Variants in GRK4 observed in about 807,000 individuals in gnomAD.
GRK4 encodes G protein-coupled receptor kinase 2-like.
In GRK4, 73 loss-of-function variants were observed where a neutral mutation model predicts 77.9. That is an observed-to-expected ratio of 0.94 (90% CI 0.78 to 1.14). GRK4 has a LOEUF of 1.14. Ranked by LOEUF, GRK4 falls within the 50% of genes most tolerant of loss-of-function variation. The pLI is 0.00. For missense variants in GRK4, 729 were observed against 700.2 expected, an observed-to-expected ratio of 1.04 and a Z score of -0.46; for synonymous variants, 257 against 254.4, an observed-to-expected ratio of 1.01 and a Z score of -0.10.
chr4:2,983,907 G>T (rs954490078), intron 1 of GRK4, among the ~76,000 whole-genome samples: 3 of 152,122 alleles, frequency 2.0e-5, no homozygotes, highest in African/African-American at 7.2e-5. Context: ...GAGAGAGAGA[G>T]GGGGAGAGAG....
chr4:3,024,453 C>T (rs554031650), intron 10 of GRK4, among the ~76,000 whole-genome samples: 5 of 152,208 alleles, frequency 3.3e-5, no homozygotes, highest in Admixed American at 6.5e-5. Flanking sequence ...TTAGTTGTTA[C>T]GGTGCAATTA....
At position 3,025,174 on chromosome 4, in the gene GRK4, G is replaced by A. The variant is rs987888384; in HGVS notation, c.970+2723G>A. ...TAGTCCCAGCTACTTGAGGGGCTGAGGCAGAAGAATCGCTTGAACCTGGGA... is the reference window on the plus strand; with the variant it reads ...TAGTCCCAGCTACTTGAGGGGCTGAAGCAGAAGAATCGCTTGAACCTGGGA... On this transcript the variant is annotated intron_variant, in intron 10 of 15. Coordinates refer to ENST00000398052, the MANE Select transcript of GRK4 (RefSeq NM_182982.3). Among the ~76,000 whole-genome samples, 4 of 150,766 alleles carry A rather than the reference G, an allele frequency of 2.7e-5. No homozygotes were observed. In the East Asian group the frequency reaches 6.0e-4, roughly 23 times the overall value.
At chr4:2,976,766 A>C (rs1353119739) in intron 1 of GRK4, among the ~76,000 whole-genome samples, 1 of 151,800 alleles carries the variant, frequency 6.6e-6, no homozygotes, top group African/African-American at 2.4e-5. Flanking sequence ...CAGCCTCCCA[A>C]GTAGCTGGGA....
chr4:3,009,816 G>C (rs1732382379), intron 7 of GRK4, 105 bp downstream of exon 7: 1 of 686,752 alleles, frequency 1.5e-6, no homozygotes, highest in African/African-American at 1.8e-5. Flanking sequence ...GTACACTGTT[G>C]CCTTAGTGGG....
chr4:2,987,085 G>A (rs1057235013), intron 2 of GRK4: 26 of 512,596 alleles, frequency 5.1e-5, no homozygotes, highest in African/African-American at 4.3e-4. Context: ...AAAAAGAAAC[G>A]CCACACCCAT....
intron 11 of GRK4, among the ~76,000 whole-genome samples, chr4:3,028,350 T>C (rs1738197609): frequency 6.6e-6 from 1 of 152,228 alleles, no homozygotes; most frequent in African/African-American, 2.4e-5. Context: ...CACCCCACTC[T>C]GGTTATTCCA....
rs73792122 is a variant in GRK4 at position 3,021,802 on chromosome 4, G to C, written c.933-612G>C. Among the ~76,000 whole-genome samples the C allele has an allele frequency of 8.5e-3, 1,296 of 152,272 alleles. 17 individuals carry two copies. The highest frequency in any genetic ancestry group is 0.03 in the African/African-American group (1,249 of 41,542). ...GTGTTTGGTTTCAGTCTCAAGATGA[G>C]CTGGATTTTCTCATGTGAGCTTTGG... On this transcript the variant is annotated intron_variant, in intron 9 of 15. Coordinates refer to ENST00000398052, the MANE Select transcript of GRK4 (RefSeq NM_182982.3).
intron 2 of GRK4, chr4:2,987,057 C>T: frequency 2.1e-6 from 1 of 486,588 alleles, no homozygotes; most frequent in Non-Finnish European, 4.0e-6. Flanking sequence ...GTCAATTTGA[C>T]AGCATTTTCA....
At chr4:3,016,333 A>G (rs1321255085) in intron 8 of GRK4, among the ~76,000 whole-genome samples, 1 of 151,538 alleles carries the variant, frequency 6.6e-6, no homozygotes, top group African/African-American at 2.4e-5. Flanking sequence ...CCTGGCCAAC[A>G]TGGTGAAACC....
intron 5 of GRK4, among the ~76,000 whole-genome samples, chr4:3,005,454 G>T (rs1226197524): frequency 1.3e-5 from 2 of 151,934 alleles, no homozygotes; most frequent in Non-Finnish European, 2.9e-5. Context: ...AGTGCAGTCC[G>T]AGCATAGTGG....
chr4:2,967,074 A>T (rs774505281), intron 1 of GRK4, among the ~76,000 whole-genome samples: 6 of 152,072 alleles, frequency 3.9e-5, no homozygotes, highest in African/African-American at 7.2e-5. Flanking sequence ...CTAGAGAGAC[A>T]CCCCTCACTC....
At chr4:2,964,767 A>G (rs1385077366) in intron 1 of GRK4, among the ~76,000 whole-genome samples, 1 of 152,196 alleles carries the variant, frequency 6.6e-6, no homozygotes, top group Non-Finnish European at 1.5e-5. Flanking sequence ...ACTCCAAGAA[A>G]AGAAAAAGCC....
intron 12 of GRK4, among the ~76,000 whole-genome samples, chr4:3,034,694 T>G (rs1740098224): frequency 6.6e-6 from 1 of 152,186 alleles, no homozygotes; most frequent in South Asian, 2.1e-4. Flanking sequence ...ACCAAAATAT[T>G]AAGAAGATAT....
chr4:3,009,620 C>A, intron 6 of GRK4, 28 bp from the exon 7 acceptor site: 1 of 1,571,626 alleles, frequency 6.4e-7, no homozygotes, highest in Non-Finnish European at 8.8e-7. Context: ...CAATGTGAGA[C>A]CTGAAACTTG....
intron 4 of GRK4, among the ~76,000 whole-genome samples, chr4:2,993,897 A>G (rs1223209249): frequency 6.6e-6 from 1 of 152,254 alleles, no homozygotes; most frequent in Non-Finnish European, 1.5e-5. Context: ...TAGTGTGGTG[A>G]GAATGAGTTC....
chr4:3,038,249 C>T, intron 14 of GRK4, 127 bp from the exon 15 acceptor site: 7 of 1,193,168 alleles, frequency 5.9e-6, no homozygotes, highest in South Asian at 1.5e-5. Flanking sequence ...AAAAGGGGCC[C>T]CACAGTGGGT....
rs191234961 is a variant in GRK4, at chr4:2,982,100, G to A, written c.53-2413G>A. On this transcript the variant is annotated intron_variant, in intron 1 of 15. Coordinates refer to ENST00000398052, the MANE Select transcript of GRK4 (RefSeq NM_182982.3). ...ACTTCTGAGCCTGCAGGGGCAGGGG[G>A]GCTTCCTGGGCTCCTGAGAGCACAG... Among the ~76,000 whole-genome samples the A allele has an allele frequency of 1.4e-3, 212 of 152,378 alleles. 3 individuals carry two copies. Among genetic ancestry groups the A allele is most frequent in the Non-Finnish European group, 3.8e-4 (26 of 68,040 alleles).
chr4:2,970,629 A>G (rs1163014042), intron 1 of GRK4, among the ~76,000 whole-genome samples: 2 of 150,400 alleles, frequency 1.3e-5, no homozygotes, highest in Non-Finnish European at 3.0e-5. Context: ...CTGCACTCCA[A>G]CCTGGCGACA....
intron 7 of GRK4, among the ~76,000 whole-genome samples, chr4:3,011,291 AG>A (rs1171418995): frequency 6.6e-6 from 1 of 152,206 alleles, no homozygotes; most frequent in Non-Finnish European, 1.5e-5. Context: ...CTATTGTGAA[AG>A]ACCTGGTGCT....
Sources: gnomAD v4.1 joint callset for allele counts (sites outside exome capture counted in the v4.1 genomes callset) on GRCh38, gnomAD v4.1.1 for gene constraint, MANE v1.5 for transcripts, NCBI Gene and HGNC (gene_info 2026-07-23, HGNC 2026-07-21) for gene names.